The following GRB7 variants were observed in gnomAD, a reference collection of about 807,000 sequenced individuals.
The protein encoded by GRB7 is growth factor receptor-bound protein 7.
Under a neutral mutation model 64.1 loss-of-function variants are expected in GRB7, and 47 were observed. That is an observed-to-expected ratio of 0.73 (90% confidence interval 0.58 to 0.94). GRB7 has a LOEUF of 0.94. Among genes scored for constraint, GRB7 ranks in the 40% least tolerant of loss-of-function variants. GRB7 has a pLI of 0.00. For synonymous variants in GRB7, 277 were observed against 279.9 expected, an observed-to-expected ratio of 0.99 and a Z score of 0.10; for missense variants, 634 against 718.4, an observed-to-expected ratio of 0.88 and a Z score of 1.34.
At position 39,744,139 on chromosome 17, in the gene GRB7, CT is replaced by C. The variant is rs1255934419; in HGVS notation, c.736del (p.Trp246GlyfsTer33). ...GCAGCTGCGGGGTTCAGGACGGAAG[CT>C]TTGGAAACGCTTTTTCTGCTTCTTG... ...FLQLRGSGRK[L>X]WKRFFCFLRR... On this transcript the variant is annotated frameshift_variant, in exon 7 of 15. Coordinates refer to ENST00000309156, the MANE Select transcript of GRB7 (RefSeq NM_005310.5). LOFTEE classifies it high-confidence loss of function. 1.2e-6 allele frequency: 2 copies of C among 1,614,128 alleles called. No homozygotes were observed. The highest frequency in any genetic ancestry group is 1.7e-6 in the Non-Finnish European group (2 of 1,180,026).
intron 6 of GRB7, 105 bp from the exon 7 acceptor site, chr17:39,743,965 T>G (rs534320360): frequency 6.8e-7 from 1 of 1,462,194 alleles, no homozygotes; most frequent in Non-Finnish European, 9.3e-7. Context: ...CGCACTAGCA[T>G]GAGACCCTGT....
Position 39,743,406 on chromosome 17 carries a change from C to T in GRB7, c.599C>T (p.Pro200Leu), listed in dbSNP as rs371095900. ...GTCTACCCACAGCACTCCCTGTTCC[C>T]AGAAAAAATGGTCTCCAGCTGTCTC... ...LFKSSPHSLF[P>L]EKMVSSCLDA... The change falls in exon 6 of 15, where the codon CCA becomes CTA. Residue 200 changes from proline (P) to leucine (L), a missense_variant. Around this residue, in one of 2 missense-constraint regions of GRB7, gnomAD observed 467 missense variants for 576.6 expected, o/e 0.81. Coordinates refer to ENST00000309156, the MANE Select transcript of GRB7 (RefSeq NM_005310.5). The T allele has an allele frequency of 1.1e-5, 18 of 1,614,016 alleles. No homozygotes were observed. Among genetic ancestry groups the T allele is most frequent in the African/African-American group, 2.7e-5 (2 of 74,914 alleles).
intron 1 of GRB7, among the ~76,000 whole-genome samples, chr17:39,741,200 G>A (rs1046516486): frequency 2.0e-5 from 3 of 152,168 alleles, no homozygotes; most frequent in Admixed American, 6.5e-5. Flanking sequence ...GCACAGTAAT[G>A]GATGATGCGG....
In GRB7 at chr17:39,744,582, T is replaced by C; in HGVS notation, c.831T>C (p.Asp277=). ...CGAGGCACCTGCAGTACGTGGCAGATGTGAACGAGTCCAACGTGTACGTGG... is the reference window on the plus strand; with the variant it reads ...CGAGGCACCTGCAGTACGTGGCAGACGTGAACGAGTCCAACGTGTACGTGG... ...KDPRHLQYVA[D]VNESNVYVVT... is the part of the protein sequence containing the mutation. The change falls in exon 8 of 15, where the codon GAT becomes GAC. Residue 277 remains aspartate, a synonymous_variant. Coordinates refer to ENST00000309156, the MANE Select transcript of GRB7 (RefSeq NM_005310.5). 6.2e-7 allele frequency: 1 copy of C among 1,611,978 alleles called. No individual in the cohort carries two copies. The highest frequency in any genetic ancestry group is 8.5e-7 in the Non-Finnish European group (1 of 1,179,078).
Position 39,743,522 on chromosome 17 carries a change from A to G in GRB7, c.663+52A>G, listed in dbSNP as rs540346246. The G allele has an allele frequency of 7.5e-5, 107 of 1,430,560 alleles. 1 individual carries two copies. The South Asian group carries it at 1.1e-3, about 15-fold the overall frequency. The allele number at this position is 1,430,560 out of a possible 1,614,324, so 88.6% of individuals were successfully genotyped here. On this transcript the variant is annotated intron_variant, in intron 6 of 14. Coordinates refer to ENST00000309156, the MANE Select transcript of GRB7 (RefSeq NM_005310.5). Reference sequence around the variant, plus strand: ...GATTCACGACTCCCCAGCATTGGCCAGTGCTTCTCCACCCTTAAGTCCTGT... The same window carrying G: ...GATTCACGACTCCCCAGCATTGGCCGGTGCTTCTCCACCCTTAAGTCCTGT...
At chr17:39,743,096 C>T (rs1380825530) in intron 4 of GRB7, 42 bp downstream of exon 4, 4 of 1,597,476 alleles carry the variant, frequency 2.5e-6, no homozygotes, top group East Asian at 4.5e-5. Flanking sequence ...GGAGATGATG[C>T]CTTGCATCTT....
chr17:39,739,642 C>T (rs1567924166), intron 1 of GRB7, among the ~76,000 whole-genome samples: 1 of 152,246 alleles, frequency 6.6e-6, no homozygotes, highest in Non-Finnish European at 1.5e-5. Context: ...CCGCCACCTG[C>T]CCTTAGGGCC....
rs371728336 is a variant in GRB7, at chr17:39,744,061, C to T, written c.664-9C>T. ...ACCTGTCACTCTCCTCTGCTCTCCT[C>T]TGGCTCAGAACTTCCTGAATGCTGG... On this transcript the variant is annotated splice_polypyrimidine_tract_variant and intron_variant, in intron 6 of 14. Transcript: ENST00000309156. 1.6e-4 allele frequency: 251 copies of T among 1,614,040 alleles called. 1 individual carries two copies. The highest frequency in any genetic ancestry group is 1.3e-4 in the Non-Finnish European group (148 of 1,180,002).
At position 39,746,689 on chromosome 17, in the gene GRB7, G is replaced by A. The variant is rs530236796; in HGVS notation, c.1453-62G>A. The A allele has an allele frequency of 2.5e-6, 4 of 1,577,754 alleles. No homozygotes were observed. The African/African-American group carries it at 5.4e-5, about 21-fold the overall frequency. On this transcript the variant is annotated intron_variant, in intron 14 of 14. Coordinates refer to ENST00000309156, the MANE Select transcript of GRB7 (RefSeq NM_005310.5). ...AAGGAAATGGTGGGGCCCTGGCCCA[G>A]GAGGGAGCTTCCCAAGCCTCGGGCC...
chr17:39,742,681 A>G lies in GRB7; in HGVS notation c.271A>G (p.Arg91Gly). The change falls in exon 3 of 15, where the codon AGG becomes GGG. Residue 91 changes from arginine (R) to glycine (G), a missense_variant. Arg to Gly is a moderately radical substitution (Grantham distance 125). Coordinates refer to ENST00000309156, the MANE Select transcript of GRB7 (RefSeq NM_005310.5). ...SPILGGPSSA[R>G]GLLPRDASRP... is the part of the protein sequence containing the mutation. ...AATTCTCGGGGGCCCCTCCAGTGCA[A>G]GGGGGCTGCTCCCCCGCGATGCCAG... 6.3e-7 allele frequency: 1 copy of G among 1,591,582 alleles called. No homozygotes were observed. Among genetic ancestry groups the G allele is most frequent in the Non-Finnish European group, 8.6e-7 (1 of 1,168,594 alleles).
chr17:39,740,508 T>TCTCTCCTTCCCAAATGCCC (rs2059985829), intron 1 of GRB7, among the ~76,000 whole-genome samples: 1 of 152,088 alleles, frequency 6.6e-6, no homozygotes, highest in Admixed American at 6.5e-5. Context: ...GGGCATTGCC[T>TCTCTCCTTCCCAAATGCCC]CTCTCCTTCC....
intron 14 of GRB7, 150 bp downstream of exon 14, chr17:39,746,352 C>T (rs2060046630): frequency 1.4e-6 from 1 of 694,924 alleles, no homozygotes. Context: ...TGCGGTGGCT[C>T]ACACCTGTAA....
Position 39,742,232 on chromosome 17 carries a change from C to G in GRB7, c.-50-20C>G. The G allele has an allele frequency of 6.9e-6, 11 of 1,585,202 alleles. No individual in the cohort carries two copies. Among genetic ancestry groups the G allele is most frequent in the South Asian group, 1.1e-5 (1 of 90,462 alleles). On this transcript the variant is annotated intron_variant, in intron 1 of 14. Coordinates refer to ENST00000309156, the MANE Select transcript of GRB7 (RefSeq NM_005310.5). ...CGTGTGAGGTCAGGAGGTCTGAATT[C>G]TCTCATCCCCTCTCCCCAGGACAAG...
At chr17:39,738,875 C>T (rs1480736846) in intron 1 of GRB7, 1 of 1,534,448 alleles carries the variant, frequency 6.5e-7, no homozygotes, top group Admixed American at 2.0e-5. Flanking sequence ...GATTGTATGC[C>T]CTTCTCAGCA....
chr17:39,743,632 C>A (rs60445862), intron 6 of GRB7, 162 bp downstream of exon 6: 85 of 649,950 alleles, frequency 1.3e-4, no homozygotes, highest in Non-Finnish European at 1.2e-4. Context: ...GCATCAGTTT[C>A]TTCTATTAAA....
intron 1 of GRB7, chr17:39,738,680 C>A (rs2059971004): frequency 2.2e-6 from 1 of 457,198 alleles, no homozygotes; most frequent in Non-Finnish European, 3.9e-6. Flanking sequence ...ACTAGCCCCT[C>A]CCCGCACACC....
In GRB7 at chr17:39,745,549, C is replaced by T. The variant is rs1555621376; in HGVS notation, c.1209+11C>T. On this transcript the variant is annotated intron_variant, in intron 11 of 14. Coordinates refer to ENST00000309156, the MANE Select transcript of GRB7 (RefSeq NM_005310.5). ...GCCCAGGCCTGGAGGGTGAGGCCTG[C>T]TGTGTGTGTGTGTGTTTGTGCTGGG... The T allele has an allele frequency of 6.3e-7, 1 of 1,575,414 alleles. No individual in the cohort carries two copies. Among genetic ancestry groups the T allele is most frequent in the East Asian group, 2.3e-5 (1 of 43,886 alleles).
rs1376336514 is a variant in GRB7, at chr17:39,746,876, C to A, written c.1578C>A (p.Cys526Ter). 1.2e-6 allele frequency: 2 copies of A among 1,610,922 alleles called. No homozygotes were observed. The highest frequency in any genetic ancestry group is 1.7e-6 in the Non-Finnish European group (2 of 1,179,946). ...RGILPCLLRH[C>*]CTRVAL ...TCCTGCCGTGCTTGCTGCGCCATTG[C>A]TGCACGCGGGTGGCCCTCTGACCAG... Residue 526 changes from cysteine (C) to a stop codon, truncating the protein, a stop_gained, in exon 15 of 15, where the codon TGC becomes TGA. Coordinates refer to ENST00000309156, the MANE Select transcript of GRB7 (RefSeq NM_005310.5). LOFTEE classifies it high-confidence loss of function.
chr17:39,742,742 G>T (rs761012059), intron 3 of GRB7, 26 bp downstream of exon 3: 2 of 1,538,136 alleles, frequency 1.3e-6, no homozygotes, highest in Non-Finnish European at 1.7e-6. Flanking sequence ...GAAGGGAAGG[G>T]AGGGATGCAC....
Sources: gnomAD v4.1 joint callset for allele counts (sites outside exome capture counted in the v4.1 genomes callset) on GRCh38, gnomAD v4.1.1 for gene constraint, gnomAD v4.1.1 regional missense constraint, MANE v1.5 for transcripts, NCBI Gene and HGNC (gene_info 2026-07-23, HGNC 2026-07-21) for gene names.